Variants in CLIC4 observed in about 807,000 individuals in gnomAD.
CLIC4 encodes the protein chloride intracellular channel protein 4.
In CLIC4, 13 loss-of-function variants were observed where a neutral mutation model predicts 24.6. The ratio of observed to expected loss-of-function variants is 0.53; its 90% CI spans 0.34 to 0.84. CLIC4 has a LOEUF of 0.84. Among genes scored for constraint, CLIC4 ranks in the 40% least tolerant of loss-of-function variants. The probability of loss-of-function intolerance (pLI) is 0.01; values close to 1 mark genes in which losing one functional copy is unlikely to be tolerated. For synonymous variants in CLIC4, 104 were observed against 111.3 expected (o/e 0.93, Z 0.41); for missense variants, 227 against 301.7 (o/e 0.75, Z 1.83).
At chr1:24,760,368 A>G (rs1638911890) in intron 1 of CLIC4, among the ~76,000 whole-genome samples, 1 of 152,182 alleles carries the variant, frequency 6.6e-6, no homozygotes, top group Non-Finnish European at 1.5e-5. Context: ...TCAAAAAAAA[A>G]GAAAAAAGAA....
intron 3 of CLIC4, among the ~76,000 whole-genome samples, chr1:24,817,401 T>C (rs1013096899): frequency 9.2e-5 from 14 of 152,226 alleles, no homozygotes; most frequent in Non-Finnish European, 2.9e-5. Context: ...ATGGCCTCTT[T>C]CCTTAAACCT....
intron 3 of CLIC4, among the ~76,000 whole-genome samples, chr1:24,823,462 T>TA (rs1177638562): frequency 6.6e-6 from 1 of 152,148 alleles, no homozygotes; most frequent in African/African-American, 2.4e-5. Flanking sequence ...TATAAAATGT[T>TA]ATTAAACCTT....
At chr1:24,803,889 A>G (rs542590502) in intron 2 of CLIC4, among the ~76,000 whole-genome samples, 25 of 152,278 alleles carry the variant, frequency 1.6e-4, no homozygotes, top group Non-Finnish European at 3.4e-4. Context: ...CTTATATTTA[A>G]AATCAGGAGA....
chr1:24,746,991 CAA>C (rs1192270926), intron 1 of CLIC4, among the ~76,000 whole-genome samples: 1 of 151,332 alleles, frequency 6.6e-6, no homozygotes, highest in Non-Finnish European at 1.5e-5. Flanking sequence ...CTGTCTCAAA[CAA>C]AAGAGATGGA....
chr1:24,807,953 C>CT (rs5773106), intron 2 of CLIC4, among the ~76,000 whole-genome samples: 22 of 137,780 alleles, frequency 1.6e-4, no homozygotes, highest in African/African-American at 4.7e-4. Context: ...AAAAACATTC[C>CT]TTTTTTTTTT....
At chr1:24,810,329 C>T (rs1639599202) in intron 2 of CLIC4, among the ~76,000 whole-genome samples, 1 of 152,098 alleles carries the variant, frequency 6.6e-6, no homozygotes, top group South Asian at 2.1e-4. Context: ...ATAACAGTCC[C>T]CCACCTGTGT....
At chr1:24,778,838 G>A (rs180793193) in intron 1 of CLIC4, among the ~76,000 whole-genome samples, 20 of 152,238 alleles carry the variant, frequency 1.3e-4, no homozygotes, top group Admixed American at 1.0e-3. Flanking sequence ...AGTGGTTCTG[G>A]CTGAGATATT....
intron 1 of CLIC4, among the ~76,000 whole-genome samples, chr1:24,762,283 G>T (rs539980180): frequency 6.6e-6 from 1 of 152,198 alleles, no homozygotes; most frequent in Non-Finnish European, 1.5e-5. Context: ...TCAGCTGGGC[G>T]TGATGTCACA....
At chr1:24,792,177 T>C (rs967020610) in intron 1 of CLIC4, among the ~76,000 whole-genome samples, 2 of 151,288 alleles carry the variant, frequency 1.3e-5, no homozygotes, top group African/African-American at 4.9e-5. Context: ...TGTGTATGTG[T>C]GTGTATATAT....
At chr1:24,786,454 G>A (rs577722987) in intron 1 of CLIC4, among the ~76,000 whole-genome samples, 1 of 152,332 alleles carries the variant, frequency 6.6e-6, no homozygotes, top group Non-Finnish European at 1.5e-5. Context: ...GGAAGAGGGT[G>A]AGGCTAGTGA....
rs541051997 is a variant in CLIC4 at position 24,792,600 on chromosome 1, C to T, written c.73-5142C>T. ...CTTTGGAAAAAGTTGTTCATGGTGA[C>T]GATGACTTTTCTTATTTGACTTGTC... On this transcript the variant is annotated intron_variant, in intron 1 of 5. Transcript: ENST00000374379. Among the ~76,000 whole-genome samples the T allele has an allele frequency of 2.6e-5, 4 of 152,198 alleles. No individual in the cohort carries two copies. The East Asian group carries it at 5.8e-4, about 22-fold the overall frequency.
At chr1:24,795,905 C>T (rs1314924194) in intron 1 of CLIC4, among the ~76,000 whole-genome samples, 4 of 152,086 alleles carry the variant, frequency 2.6e-5, no homozygotes, top group African/African-American at 7.2e-5. Context: ...TTTTTGGAGG[C>T]GGGTACACCT....
Position 24,777,003 on chromosome 1 carries a change from C to T in CLIC4, c.73-20739C>T, listed in dbSNP as rs551116754. Among the ~76,000 whole-genome samples, 11 of 152,312 alleles carry T rather than the reference C, an allele frequency of 7.2e-5. No homozygotes were observed. In the South Asian group the frequency reaches 1.5e-3, roughly 20 times the overall value. ...GTAATGCAACAATGGCCTCGGGAGC[C>T]GTTGAGGCATGTAAGACTATTTTTG... On this transcript the variant is annotated intron_variant, in intron 1 of 5. Transcript: ENST00000374379.
At chr1:24,763,760 T>C (rs1638958621) in intron 1 of CLIC4, among the ~76,000 whole-genome samples, 1 of 152,142 alleles carries the variant, frequency 6.6e-6, no homozygotes, top group Non-Finnish European at 1.5e-5. Flanking sequence ...AACTCCATAA[T>C]CCTGTAAATC....
chr1:24,798,805 GC>G (rs916809113), intron 2 of CLIC4, among the ~76,000 whole-genome samples: 9 of 152,080 alleles, frequency 5.9e-5, no homozygotes, highest in African/African-American at 2.2e-4. Context: ...GCAGGCACGC[GC>G]CGCCACGCCT....
At chr1:24,786,539 T>C (rs1639269347) in intron 1 of CLIC4, among the ~76,000 whole-genome samples, 1 of 152,236 alleles carries the variant, frequency 6.6e-6, no homozygotes, top group African/African-American at 2.4e-5. Flanking sequence ...TAAGACTCTA[T>C]CTAGAGATTC....
chr1:24,830,129 A>G (rs1639825391), intron 4 of CLIC4, among the ~76,000 whole-genome samples: 1 of 152,210 alleles, frequency 6.6e-6, no homozygotes, highest in South Asian at 2.1e-4. Flanking sequence ...CATTCAAATC[A>G]TACAAATAAC....
chr1:24,768,572 T>C (rs1310623954), intron 1 of CLIC4, among the ~76,000 whole-genome samples: 1 of 152,126 alleles, frequency 6.6e-6, no homozygotes, highest in East Asian at 1.9e-4. Context: ...GATTATTGTT[T>C]TTAGACTTTT....
intron 1 of CLIC4, among the ~76,000 whole-genome samples, chr1:24,770,413 C>A (rs1383921461): frequency 6.6e-6 from 1 of 151,782 alleles, no homozygotes; most frequent in East Asian, 1.9e-4. Flanking sequence ...GACGTGTAAT[C>A]CAGGAGTGAA....
Sources: gnomAD v4.1 joint callset for allele counts (sites outside exome capture counted in the v4.1 genomes callset) on GRCh38, gnomAD v4.1.1 for gene constraint, MANE v1.5 for transcripts, NCBI Gene and HGNC (gene_info 2026-07-23, HGNC 2026-07-21) for gene names.